Variants in CDC42EP4 observed in about 807,000 individuals in gnomAD.
CDC42EP4 encodes the protein CDC42 effector protein 4, also known as CDC42 effector protein (Rho GTPase binding) 4.
Under a neutral mutation model 5.6 loss-of-function variants are expected in CDC42EP4, and 6 were observed. The ratio of observed to expected loss-of-function variants is 1.07; its 90% confidence interval spans 0.59 to 2.12. CDC42EP4 has a LOEUF of 2.12. CDC42EP4 is among the 30% of genes most tolerant of loss of function. The probability of loss-of-function intolerance (pLI) is 0.00; values close to 1 mark genes in which losing one functional copy is unlikely to be tolerated. For synonymous variants in CDC42EP4, 230 were observed against 224.2 expected (o/e 1.03, Z -0.23); for missense variants, 490 against 508.6 (o/e 0.96, Z 0.35).
chr17:73,305,836 A>T (rs977058091), intron 1 of CDC42EP4, among the ~76,000 whole-genome samples: 1 of 152,210 alleles, frequency 6.6e-6, no homozygotes, highest in Non-Finnish European at 1.5e-5. Context: ...AAGTCTGTAC[A>T]GTGAAACGTG....
intron 1 of CDC42EP4, among the ~76,000 whole-genome samples, chr17:73,308,943 CAGG>C (rs1056258558): frequency 1.5e-4 from 21 of 142,882 alleles, no homozygotes; most frequent in African/African-American, 3.9e-4. Flanking sequence ...GAGGCTGAGG[CAGG>C]AGAATTGCTT....
intron 1 of CDC42EP4, chr17:73,311,091 A>G (rs1022933628): frequency 2.6e-5 from 4 of 152,100 alleles, no homozygotes; most frequent in East Asian, 1.9e-4. Context: ...GGGGCGCACT[A>G]GCCCAGGAGC....
At position 73,310,675 on chromosome 17, in the gene CDC42EP4, C is replaced by A. The variant is rs2062268727; in HGVS notation, c.-113+1218G>T. On this transcript the variant is annotated intron_variant, in intron 1 of 1. Transcript: ENST00000335793. ...GGGAGAAAAAGAAAACTTCCAAAGC[C>A]GAGGCCGCAGTCACTGGGAAAACAC... Among the ~76,000 whole-genome samples the A allele has an allele frequency of 2.6e-5, 4 of 151,982 alleles. No individual in the cohort carries two copies. In the South Asian group the frequency reaches 8.3e-4, roughly 31 times the overall value.
At chr17:73,298,719 G>A (rs944946999) in intron 1 of CDC42EP4, among the ~76,000 whole-genome samples, 27 of 152,306 alleles carry the variant, frequency 1.8e-4, no homozygotes, top group African/African-American at 6.0e-4. Flanking sequence ...TAGCTCAAGA[G>A]TCAGAGAAAC....
At chr17:73,307,902 C>T (rs900527189) in intron 1 of CDC42EP4, among the ~76,000 whole-genome samples, 1 of 151,264 alleles carries the variant, frequency 6.6e-6, no homozygotes, top group South Asian at 2.1e-4. Flanking sequence ...CCACCATGCC[C>T]GGCTAATTTT....
intron 1 of CDC42EP4, among the ~76,000 whole-genome samples, chr17:73,303,045 A>AAAAAAAAAAAC (rs2062226837): frequency 7.4e-6 from 1 of 134,950 alleles, no homozygotes; most frequent in South Asian, 2.3e-4. Flanking sequence ...CTCCGTCTCA[A>AAAAAAAAAAAC]AAAAAAAAAG....
intron 1 of CDC42EP4, among the ~76,000 whole-genome samples, chr17:73,294,268 C>T (rs906588615): frequency 2.0e-5 from 3 of 152,150 alleles, no homozygotes; most frequent in Non-Finnish European, 4.4e-5. Flanking sequence ...GGGAGAATCG[C>T]TTGAACCCAG....
At chr17:73,308,730 A>T (rs1374929181) in intron 1 of CDC42EP4, among the ~76,000 whole-genome samples, 4 of 151,976 alleles carry the variant, frequency 2.6e-5, no homozygotes, top group East Asian at 1.9e-4. Context: ...AAAGCTCTGG[A>T]CTTGTTAAGA....
intron 1 of CDC42EP4, among the ~76,000 whole-genome samples, chr17:73,301,649 C>A (rs1044969997): frequency 2.6e-5 from 4 of 151,786 alleles, no homozygotes; most frequent in African/African-American, 7.3e-5. Context: ...TGGGTTCAAG[C>A]AATTCTTGTG....
At chr17:73,288,669 A>G (rs2062145708) in intron 1 of CDC42EP4, among the ~76,000 whole-genome samples, 1 of 151,556 alleles carries the variant, frequency 6.6e-6, no homozygotes, top group Non-Finnish European at 1.5e-5. Flanking sequence ...CTGGAAGTCC[A>G]GCACCTCCCT....
In CDC42EP4 at chr17:73,286,032, C is replaced by T. The variant is rs773478622; in HGVS notation, c.469G>A (p.Ala157Thr). 1 of 1,613,852 alleles carries T rather than the reference C, an allele frequency of 6.2e-7. No homozygotes were observed. The highest frequency in any genetic ancestry group is 1.1e-5 in the South Asian group (1 of 91,082). The change falls in exon 2 of 2, where the codon GCG becomes ACG. Residue 157 changes from alanine (A) to threonine (T), a missense_variant. Transcript: ENST00000335793. This position sits in a 1 kb window ranked among gnomAD's most constrained non-coding sequence, Gnocchi z 7.7. ...CGGGGCACTGCCTCCTCCGTGCCCG[C>T]CTCCTCATCGCCGCCCTCCCCGTCA... Reference protein sequence around the residue: ...ANDGEGGDEEAGTEEAVPRRN... With the variant: ...ANDGEGGDEETGTEEAVPRRN...
chr17:73,304,097 A>G (rs994205514), intron 1 of CDC42EP4, among the ~76,000 whole-genome samples: 4 of 152,194 alleles, frequency 2.6e-5, no homozygotes, highest in African/African-American at 9.7e-5. Context: ...AGGAAATACT[A>G]TTCTAGACCC....
rs749501604 is a variant in CDC42EP4 at position 73,288,408 on chromosome 17, A to AT, written c.-112-1797dup. ...CAGGTGCACACCACCACGTCCAGCT[A>AT]TTTTTTTTTTTTTTTTGTAATTTTA... is the stretch of plus-strand genomic sequence containing the variant. On this transcript the variant is annotated intron_variant, in intron 1 of 1. Transcript: ENST00000335793. Among the ~76,000 whole-genome samples the AT allele has an allele frequency of 3.7e-3, 512 of 137,528 alleles. 2 individuals are homozygous for AT. Among genetic ancestry groups the AT allele is most frequent in the Middle Eastern group, 0.012 (3 of 260 alleles). 90.2% of individuals were successfully genotyped at this position (137,528 alleles called of 152,430 possible).
In CDC42EP4 at chr17:73,285,517, C is replaced by T. The variant is rs781423084; in HGVS notation, c.984G>A (p.Pro328=). ...TTGAGACAGCAGCCCGGGCCCTGTCCGGCCCCCGGAAGGCAGGGCTGCGCT... is the reference window on the plus strand; with the variant it reads ...TTGAGACAGCAGCCCGGGCCCTGTCTGGCCCCCGGAAGGCAGGGCTGCGCT... ...LEERSPAFRG[P]DRARAAVSRQ... is the part of the protein sequence containing the mutation. The change falls in exon 2 of 2, where the codon CCG becomes CCA. Residue 328 remains proline (P), a synonymous_variant. Coordinates refer to ENST00000335793, the MANE Select transcript of CDC42EP4 (RefSeq NM_012121.5). This position sits in a 1 kb window ranked among gnomAD's most constrained non-coding sequence, Gnocchi z 6.8. 133 of 1,609,858 alleles carry T rather than the reference C, an allele frequency of 8.3e-5. 1 individual carries two copies. Among genetic ancestry groups the T allele is most frequent in the South Asian group, 6.5e-4 (59 of 90,912 alleles).
intron 1 of CDC42EP4, among the ~76,000 whole-genome samples, chr17:73,291,179 C>T (rs1252278241): frequency 6.6e-6 from 1 of 152,162 alleles, no homozygotes; most frequent in African/African-American, 2.4e-5. Context: ...GCCACGGTCT[C>T]GCTTCCTGGG....
chr17:73,309,583 C>T (rs1599445602), intron 1 of CDC42EP4, among the ~76,000 whole-genome samples: 3 of 151,668 alleles, frequency 2.0e-5, no homozygotes, highest in Middle Eastern at 3.4e-3. Context: ...AAGAGAGAAA[C>T]GAGGGGAAAA....
chr17:73,306,939 T>A (rs191658513), intron 1 of CDC42EP4: 1 of 152,400 alleles, frequency 6.6e-6, no homozygotes, highest in East Asian at 1.9e-4. Flanking sequence ...AGTCTCATGC[T>A]GGGAGGTGGA....
intron 1 of CDC42EP4, among the ~76,000 whole-genome samples, chr17:73,290,641 A>G (rs1270808123): frequency 6.6e-6 from 1 of 152,218 alleles, no homozygotes; most frequent in Non-Finnish European, 1.5e-5. Context: ...AGCAGCCTTG[A>G]GTGAGAACAC....
chr17:73,285,347 C>A lies in CDC42EP4; in HGVS notation c.*83G>T. On this transcript the variant is annotated 3_prime_UTR_variant, in exon 2 of 2. Transcript: ENST00000335793. This position sits in a 1 kb window ranked among gnomAD's most constrained non-coding sequence, Gnocchi z 6.8. The stretch of plus-strand genomic sequence containing the variant: ...GAATCAAGGGTCCTGGCTGCCCCTG[C>A]GCCGTAGGGTCAAAGGTCATAGTGG... 1 of 1,145,824 alleles carries A rather than the reference C, an allele frequency of 8.7e-7. No individual in the cohort carries two copies. The allele number at this position is 1,145,824 out of a possible 1,614,324, so 71.0% of individuals were successfully genotyped here.
Sources: gnomAD v4.1 joint callset for allele counts (sites outside exome capture counted in the v4.1 genomes callset) on GRCh38, gnomAD v4.1.1 for gene constraint, Gnocchi (gnomAD v3.1) non-coding constraint, MANE v1.5 for transcripts, NCBI Gene and HGNC (gene_info 2026-07-23, HGNC 2026-07-21) for gene names.